SLC1A1: variants seen among roughly 807,000 people sequenced by gnomAD.
SLC1A1 encodes solute carrier family 1 member 1.
A neutral mutation model predicts 53.3 loss-of-function variants in SLC1A1; 43 were observed. The observed-to-expected ratio is 0.81, with a 90% CI of 0.63 to 1.04. The LOEUF (loss-of-function observed/expected upper bound fraction) is 1.04. SLC1A1 is among the 50% of genes least tolerant of loss of function. The pLI is 0.00. For synonymous variants in SLC1A1, 307 were observed against 243.2 expected, an observed-to-expected ratio of 1.26 and a Z score of -2.44; for missense variants, 748 against 664.9, an observed-to-expected ratio of 1.12 and a Z score of -1.37.
At chr9:4,569,780 C>T (rs576142245) in intron 6 of SLC1A1, among the ~76,000 whole-genome samples, 1 of 152,300 alleles carries the variant, frequency 6.6e-6, no homozygotes, top group Admixed American at 6.5e-5. Flanking sequence ...TTTCCAGATT[C>T]ACCTCCTCCA....
intron 1 of SLC1A1, among the ~76,000 whole-genome samples, chr9:4,541,446 A>T (rs10974614): frequency 0.14 from 20,713 of 152,198 alleles, 1,677 homozygotes; most frequent in African/African-American, 0.21. Context: ...TTTCCTTTCC[A>T]ATTTAAAAGC....
At chr9:4,520,080 C>A (rs568843745) in intron 1 of SLC1A1, among the ~76,000 whole-genome samples, 3 of 152,180 alleles carry the variant, frequency 2.0e-5, no homozygotes, top group Non-Finnish European at 4.4e-5. Context: ...CCTTTACAGG[C>A]TATGTTCCAC....
chr9:4,500,591 G>A (rs1490318781), intron 1 of SLC1A1, among the ~76,000 whole-genome samples: 2 of 152,180 alleles, frequency 1.3e-5, no homozygotes, highest in East Asian at 3.8e-4. Context: ...GATTACAGGT[G>A]TGAGCCACTG....
intron 1 of SLC1A1, among the ~76,000 whole-genome samples, chr9:4,534,791 C>T (rs1440619456): frequency 7.2e-5 from 11 of 152,004 alleles, no homozygotes; most frequent in Non-Finnish European, 1.0e-4. Context: ...TGATGAACAT[C>T]GATGCAAAAA....
At chr9:4,518,038 G>C (rs909466254) in intron 1 of SLC1A1, among the ~76,000 whole-genome samples, 1 of 151,934 alleles carries the variant, frequency 6.6e-6, no homozygotes, top group South Asian at 2.1e-4. Context: ...GACCAGCCTG[G>C]CCAACATGGG....
intron 2 of SLC1A1, among the ~76,000 whole-genome samples, chr9:4,554,625 G>T (rs755954388): frequency 2.6e-5 from 4 of 152,206 alleles, no homozygotes; most frequent in Non-Finnish European, 5.9e-5. Context: ...TCCAGAAGAG[G>T]CTGGAGGAGG....
At chr9:4,512,285 G>A (rs1821024510) in intron 1 of SLC1A1, among the ~76,000 whole-genome samples, 1 of 152,130 alleles carries the variant, frequency 6.6e-6, no homozygotes, top group Non-Finnish European at 1.5e-5. Flanking sequence ...GGCTGAGGTG[G>A]GCAGATTGCT....
chr9:4,585,941 AT>A lies in SLC1A1; in HGVS notation c.*388del, dbSNP rs1821541131. On this transcript the variant is annotated 3_prime_UTR_variant, in exon 12 of 12. Transcript: ENST00000262352. ...AAAAATATTCTGTCATTGGTTACAA[AT>A]TTTTACTCAGGCTTTCTATTGGCAT... 1 of 189,144 alleles carries A rather than the reference AT, an allele frequency of 5.3e-6. No individual in the cohort carries two copies. The highest frequency in any genetic ancestry group is 1.0e-4 in the South Asian group (1 of 9,774). The allele number at this position is 189,144 out of a possible 1,614,324, so 11.7% of individuals were successfully genotyped here.
At chr9:4,577,163 C>G (rs990876349) in intron 10 of SLC1A1, among the ~76,000 whole-genome samples, 1 of 152,172 alleles carries the variant, frequency 6.6e-6, no homozygotes, top group African/African-American at 2.4e-5. Flanking sequence ...GAGGGAAGGG[C>G]TGGTTCTAGC....
intron 1 of SLC1A1, among the ~76,000 whole-genome samples, chr9:4,526,159 AATG>A (rs1166771136): frequency 6.6e-6 from 1 of 152,132 alleles, no homozygotes; most frequent in Non-Finnish European, 1.5e-5. Context: ...TCACAAAGAT[AATG>A]ATAATGAGCT....
intron 6 of SLC1A1, among the ~76,000 whole-genome samples, chr9:4,571,442 G>A (rs1261975868): frequency 1.3e-5 from 2 of 152,154 alleles, no homozygotes; most frequent in Non-Finnish European, 2.9e-5. Flanking sequence ...TTGAGAGGCT[G>A]AGGTGGGCGG....
chr9:4,510,292 T>A (rs1037332154), intron 1 of SLC1A1, among the ~76,000 whole-genome samples: 2 of 152,172 alleles, frequency 1.3e-5, no homozygotes, highest in African/African-American at 4.8e-5. Context: ...CTAGAAAGCA[T>A]TGCCCGTGCA....
chr9:4,540,342 C>G (rs1377465704), intron 1 of SLC1A1, among the ~76,000 whole-genome samples: 1 of 152,156 alleles, frequency 6.6e-6, no homozygotes, highest in Admixed American at 6.5e-5. Context: ...CCTGATTATT[C>G]CTGGACACCA....
intron 1 of SLC1A1, among the ~76,000 whole-genome samples, chr9:4,510,900 T>G (rs144250805): frequency 1.3e-3 from 197 of 152,320 alleles, no homozygotes; most frequent in African/African-American, 4.6e-3. Context: ...AGCTCCACCG[T>G]AAACAAATTG....
chr9:4,532,221 T>C (rs909355685), intron 1 of SLC1A1, among the ~76,000 whole-genome samples: 1 of 152,042 alleles, frequency 6.6e-6, no homozygotes, highest in African/African-American at 2.4e-5. Flanking sequence ...AGAATGACGT[T>C]GACGAGTTGA....
chr9:4,496,904 A>G (rs1330686), intron 1 of SLC1A1, among the ~76,000 whole-genome samples: 55,639 of 151,886 alleles, frequency 0.37, 11,643 homozygotes, highest in East Asian at 0.63. Context: ...TCTCTGAAAA[A>G]TAATAATAAT....
chr9:4,513,212 T>C (rs1821053578), intron 1 of SLC1A1, among the ~76,000 whole-genome samples: 1 of 152,256 alleles, frequency 6.6e-6, no homozygotes, highest in South Asian at 2.1e-4. Context: ...AGTTGGACTT[T>C]AACAAATAAA....
In SLC1A1 at chr9:4,549,133, A is replaced by G. The variant is rs1209801808; in HGVS notation, c.232+4426A>G. On this transcript the variant is annotated intron_variant, in intron 2 of 11. Transcript: ENST00000262352. This position sits in a 1 kb window ranked among gnomAD's most constrained non-coding sequence, Gnocchi z 4.1. ...AGCCTCCTATGACCAACACAGGGAC[A>G]GAACAGCACCTCCAGTCCCGCTCCC... Among the ~76,000 whole-genome samples the G allele has an allele frequency of 6.6e-6, 1 of 152,228 alleles. No individual in the cohort carries two copies. Among genetic ancestry groups the G allele is most frequent in the East Asian group, 1.9e-4 (1 of 5,198 alleles).
At chr9:4,495,870 C>T (rs1048126877) in intron 1 of SLC1A1, among the ~76,000 whole-genome samples, 6 of 152,202 alleles carry the variant, frequency 3.9e-5, no homozygotes, top group East Asian at 3.9e-4. Context: ...TCCAGCAAAA[C>T]AGAGAGTCCT....
Sources: allele counts gnomAD v4.1 joint callset (sites outside exome capture counted in the v4.1 genomes callset), GRCh38; gene constraint gnomAD v4.1.1; non-coding constraint Gnocchi (gnomAD v3.1); transcripts MANE v1.5; gene names NCBI Gene and HGNC (gene_info 2026-07-23, HGNC 2026-07-21).